The following BTBD9 variants were observed in gnomAD, a reference collection of about 807,000 sequenced individuals.
The protein encoded by BTBD9 is BTB domain containing 9, also known as BTB/POZ domain-containing protein 9.
In BTBD9, 49 loss-of-function variants were observed where a neutral mutation model predicts 64.3. That is an observed-to-expected ratio of 0.76 (90% CI 0.61 to 0.97). BTBD9 has a LOEUF of 0.97. Ranked by LOEUF, BTBD9 falls within the 50% of genes least tolerant of loss-of-function variation. BTBD9 has a pLI of 0.00. For missense variants in BTBD9, 598 were observed against 762.1 expected (o/e 0.78, Z 2.53); for synonymous variants, 260 against 274.7 (o/e 0.95, Z 0.53).
Position 38,174,868 on chromosome 6 carries a change from G to T in BTBD9, c.*117C>A. 2 of 1,233,806 alleles carry T rather than the reference G, an allele frequency of 1.6e-6. No individual in the cohort carries two copies. The highest frequency in any genetic ancestry group is 2.3e-6 in the Non-Finnish European group (2 of 882,452). The allele number at this position is 1,233,806 out of a possible 1,614,324, so 76.4% of individuals were successfully genotyped here. On this transcript the variant is annotated 3_prime_UTR_variant, in exon 11 of 11. Coordinates refer to ENST00000481247, the MANE Select transcript of BTBD9 (RefSeq NM_001099272.2). ...GGTGTCTGCTTTTGCAGCTAGGTCG[G>T]CTCCTCCCTGGAAAGGGGCAGAGGT...
intron 6 of BTBD9, among the ~76,000 whole-genome samples, chr6:38,523,729 C>T (rs908814792): frequency 2.6e-5 from 4 of 152,180 alleles, no homozygotes; most frequent in Admixed American, 6.5e-5. Flanking sequence ...CATTAGCAGG[C>T]ACTTTATAGA....
At chr6:38,524,218 C>A (rs1773388182) in intron 6 of BTBD9, among the ~76,000 whole-genome samples, 6 of 151,890 alleles carry the variant, frequency 4.0e-5, no homozygotes. Context: ...TGAGAGGTGA[C>A]TTCAAACAAT....
intron 6 of BTBD9, among the ~76,000 whole-genome samples, chr6:38,500,878 G>T (rs1191539886): frequency 6.6e-6 from 1 of 152,174 alleles, no homozygotes; most frequent in Non-Finnish European, 1.5e-5. Flanking sequence ...CGACATGGCA[G>T]GTACAGAGGC....
At chr6:38,333,716 C>T (rs944779288) in intron 7 of BTBD9, among the ~76,000 whole-genome samples, 3 of 152,334 alleles carry the variant, frequency 2.0e-5, no homozygotes, top group South Asian at 2.1e-4. Context: ...GCCCGTACAG[C>T]CCACAAAACC....
chr6:38,175,158 A>T lies in BTBD9; in HGVS notation c.1666T>A (p.Cys556Ser). The change falls in exon 11 of 11, where the codon TGT (cysteine) becomes AGT (serine). Residue 556 changes from cysteine (C) to serine (S), a missense_variant. Physicochemically the swap from Cys to Ser is moderately radical, Grantham distance 112. Coordinates refer to ENST00000481247, the MANE Select transcript of BTBD9 (RefSeq NM_001099272.2). ...NEVFHCVHFE[C>S]PEQQSSQKEE... is the part of the protein sequence containing the mutation. ...TTCTGGCTGCTCTGCTGCTCTGGAC[A>T]CTCAAAGTGGACACAGTGGAACACC... 6.2e-7 allele frequency: 1 copy of T among 1,614,108 alleles called. No homozygotes were observed.
At chr6:38,493,636 G>C (rs1235902944) in intron 6 of BTBD9, among the ~76,000 whole-genome samples, 5 of 152,220 alleles carry the variant, frequency 3.3e-5, no homozygotes, top group Non-Finnish European at 5.9e-5. Context: ...GGAGGAAAAG[G>C]ATCTATAGTT....
chr6:38,395,256 C>A (rs1050596768), intron 6 of BTBD9, among the ~76,000 whole-genome samples: 6 of 152,004 alleles, frequency 3.9e-5, no homozygotes, highest in Admixed American at 6.6e-5. Context: ...CATAGTGGGA[C>A]CCTGCCTCTA....
intron 10 of BTBD9, among the ~76,000 whole-genome samples, chr6:38,190,523 C>T (rs370662261): frequency 1.4e-5 from 2 of 145,392 alleles, no homozygotes; most frequent in Admixed American, 6.8e-5. Context: ...TACTTTGAGG[C>T]TTTTTTTCCC....
intron 2 of BTBD9, among the ~76,000 whole-genome samples, chr6:38,595,033 A>G (rs546228211): frequency 2.8e-4 from 42 of 152,378 alleles, no homozygotes; most frequent in South Asian, 1.2e-3. Context: ...TACGCATTCT[A>G]TGCAGCCATT....
At chr6:38,177,221 T>TA (rs1470602082) in intron 10 of BTBD9, among the ~76,000 whole-genome samples, 3 of 152,198 alleles carry the variant, frequency 2.0e-5, no homozygotes, top group Non-Finnish European at 4.4e-5. Context: ...GGAATTGACT[T>TA]ACGTTTGTCC....
At chr6:38,238,161 A>C (rs996774995) in intron 9 of BTBD9, among the ~76,000 whole-genome samples, 12 of 152,198 alleles carry the variant, frequency 7.9e-5, no homozygotes, top group African/African-American at 2.9e-4. Flanking sequence ...TTTTAAACAA[A>C]AAATTTGAAG....
rs532595102 is a variant in BTBD9 at position 38,471,496 on chromosome 6, G to A, written c.1154+106104C>T. Among the ~76,000 whole-genome samples the A allele has an allele frequency of 2.0e-5, 3 of 152,268 alleles. No homozygotes were observed. The East Asian group carries it at 5.8e-4, about 29-fold the overall frequency. On this transcript the variant is annotated intron_variant, in intron 6 of 10. Transcript: ENST00000481247. ...TAATGAAAGGCAGGTTTAGAGCTCAGAATAAATATAGGTAACAAGTCTAAG... is the reference window on the plus strand; with the variant it reads ...TAATGAAAGGCAGGTTTAGAGCTCAAAATAAATATAGGTAACAAGTCTAAG...
intron 9 of BTBD9, among the ~76,000 whole-genome samples, chr6:38,256,041 A>T (rs1764566587): frequency 2.0e-5 from 3 of 151,842 alleles, no homozygotes; most frequent in Non-Finnish European, 2.9e-5. Context: ...CATATTGTGC[A>T]CATGTACCCT....
At position 38,589,422 on chromosome 6, in the gene BTBD9, G is replaced by A. The variant is rs554405173; in HGVS notation, c.814+3154C>T. On this transcript the variant is annotated intron_variant, in intron 4 of 10. Transcript: ENST00000481247. The stretch of plus-strand genomic sequence containing the variant: ...TTCAGCACTTCAAATCAAATGCAGG[G>A]CAAGAGAGGGAAAGGAACTTATATA... 5.3e-5 allele frequency among the ~76,000 whole-genome samples: 8 copies of A among 152,260 alleles called. No homozygotes were observed. In the South Asian group the frequency reaches 1.7e-3, roughly 32 times the overall value.
chr6:38,374,296 T>TATATATATATATATATATATATATAA (rs1491482634), intron 6 of BTBD9, among the ~76,000 whole-genome samples: 1 of 70,650 alleles, frequency 1.4e-5, no homozygotes, highest in Non-Finnish European at 2.4e-5. Context: ...TATATATATA[T>TATATATATATATATATATATATATAA]GTATATATAT....
intron 6 of BTBD9, among the ~76,000 whole-genome samples, chr6:38,441,175 G>T (rs1769013396): frequency 6.6e-6 from 1 of 152,180 alleles, no homozygotes. Context: ...GTGTTGTGGG[G>T]CTGCTGGCCA....
At chr6:38,214,737 C>T (rs1016635812) in intron 9 of BTBD9, among the ~76,000 whole-genome samples, 1 of 152,218 alleles carries the variant, frequency 6.6e-6, no homozygotes, top group Non-Finnish European at 1.5e-5. Context: ...TATTTCATTA[C>T]ACCTGCTTTG....
At chr6:38,282,949 A>G (rs1761576053) in intron 8 of BTBD9, among the ~76,000 whole-genome samples, 1 of 152,218 alleles carries the variant, frequency 6.6e-6, no homozygotes, top group East Asian at 1.9e-4. Context: ...TGTCAGTTCC[A>G]TGAGAGCACC....
rs751515823 is a variant in BTBD9 at position 38,594,205 on chromosome 6, G to A, written c.308C>T (p.Thr103Ile). The A allele has an allele frequency of 2.5e-6, 4 of 1,614,168 alleles. No individual in the cohort carries two copies. Among genetic ancestry groups the A allele is most frequent in the Non-Finnish European group, 3.4e-6 (4 of 1,180,026 alleles). ...KYIYTGRATLTDEKEEVLLDF... is the reference protein window; with the variant it reads ...KYIYTGRATLIDEKEEVLLDF... ...CAGCAGCACCTCCTCCTTCTCATCT[G>A]TCAGCGTTGCCCGCCCAGTGTAGAT... Residue 103 changes from threonine (T) to isoleucine (I), a missense_variant, in exon 3 of 11, where the codon ACA becomes ATA. Coordinates refer to ENST00000481247, the MANE Select transcript of BTBD9 (RefSeq NM_001099272.2).
Sources: gnomAD v4.1 joint callset for allele counts (sites outside exome capture counted in the v4.1 genomes callset) on GRCh38, gnomAD v4.1.1 for gene constraint, MANE v1.5 for transcripts, NCBI Gene and HGNC (gene_info 2026-07-23, HGNC 2026-07-21) for gene names.